Variants in PREX1 observed in about 807,000 individuals in gnomAD.
The protein encoded by PREX1 is phosphatidylinositol 3,4,5-trisphosphate-dependent Rac exchanger 1 protein.
Under a neutral mutation model 198.3 loss-of-function variants are expected in PREX1, and 41 were observed. The ratio of observed to expected loss-of-function variants is 0.21; its 90% CI spans 0.16 to 0.27. The LOEUF (loss-of-function observed/expected upper bound fraction) is 0.27, where lower values mean the gene tolerates loss of function less well. PREX1 is among the 10% of genes least tolerant of loss of function. PREX1 has a pLI of 1.00. For missense variants in PREX1, 1,620 were observed against 2,200.7 expected, an observed-to-expected ratio of 0.74 and a Z score of 5.28; for synonymous variants, 843 against 887.2, an observed-to-expected ratio of 0.95 and a Z score of 0.89.
Position 48,650,575 on chromosome 20 carries a change from A to G in PREX1, c.2817+319T>C, listed in dbSNP as rs371811208. Among the ~76,000 whole-genome samples the G allele has an allele frequency of 5.3e-5, 8 of 152,362 alleles. No homozygotes were observed. The East Asian group carries it at 7.7e-4, about 15-fold the overall frequency. On this transcript the variant is annotated intron_variant, in intron 23 of 39. Transcript: ENST00000371941. ...GCAAGTGACCTAAGCCAAGCCAACC[A>G]GAACTCCCTTGGAGTTAATTTTCTC...
the PREX1 span, among the ~76,000 whole-genome samples, chr20:48,837,566 G>A: frequency 6.6e-6 from 1 of 152,174 alleles, no homozygotes; most frequent in Non-Finnish European, 1.5e-5. Flanking sequence ...ATCTAAAGCA[G>A]GAACAGAAAA....
chr20:48,853,858 A>G, the PREX1 span, among the ~76,000 whole-genome samples: 1 of 151,986 alleles, frequency 6.6e-6, no homozygotes, highest in Admixed American at 6.5e-5. Flanking sequence ...GCTGCCCTGC[A>G]GACCTTGGGT....
chr20:48,634,174 G>GGA (rs1568791973), intron 33 of PREX1, among the ~76,000 whole-genome samples: 6 of 81,970 alleles, frequency 7.3e-5, no homozygotes, highest in South Asian at 4.5e-4. Flanking sequence ...ATGGATGGAT[G>GGA]CATGGATGGA....
chr20:48,781,439 A>G (rs1214284432), intron 1 of PREX1, among the ~76,000 whole-genome samples: 1 of 152,074 alleles, frequency 6.6e-6, no homozygotes, highest in Non-Finnish European at 1.5e-5. Context: ...AAACCAAATC[A>G]CCTACTGGCC....
chr20:48,683,908 G>A (rs1284816897), intron 10 of PREX1, among the ~76,000 whole-genome samples: 2 of 152,116 alleles, frequency 1.3e-5, no homozygotes, highest in Non-Finnish European at 2.9e-5. Context: ...GCACACAGAA[G>A]CCCTGAGAGG....
At chr20:48,747,537 G>A (rs566333859) in intron 2 of PREX1, among the ~76,000 whole-genome samples, 72 of 152,350 alleles carry the variant, frequency 4.7e-4, no homozygotes, top group African/African-American at 1.7e-3. Flanking sequence ...AGACTGGGGG[G>A]TCACAATGAG....
In PREX1 at chr20:48,630,590, G is replaced by A. The variant is rs555205610; in HGVS notation, c.4593+138C>T. On this transcript the variant is annotated intron_variant, in intron 36 of 39. Coordinates refer to ENST00000371941, the MANE Select transcript of PREX1 (RefSeq NM_020820.4). ...AGCTATCATGGGAGACTTCCTGGAG[G>A]AGGAGAGACTGCAGGGTCTCAAGGG... The A allele has an allele frequency of 4.3e-5, 28 of 652,436 alleles. 1 individual carries two copies. The highest frequency in any genetic ancestry group is 3.6e-4 in the African/African-American group (20 of 55,878). 40.4% of individuals were successfully genotyped at this position (652,436 alleles called of 1,614,324 possible).
At chr20:48,783,520 TACA>T (rs907408773) in intron 1 of PREX1, among the ~76,000 whole-genome samples, 1 of 151,950 alleles carries the variant, frequency 6.6e-6, no homozygotes, top group Non-Finnish European at 1.5e-5. Context: ...GTGGGGATGG[TACA>T]AAGGACACAA....
At chr20:48,757,399 TCAG>T (rs1011755228) in intron 1 of PREX1, among the ~76,000 whole-genome samples, 1 of 152,202 alleles carries the variant, frequency 6.6e-6, no homozygotes, top group Non-Finnish European at 1.5e-5. Flanking sequence ...AACAAGGGGT[TCAG>T]CAGGTGACTG....
At chr20:48,681,467 A>C in intron 10 of PREX1, 132 bp from the exon 11 acceptor site, 1 of 816,086 alleles carries the variant, frequency 1.2e-6, no homozygotes, top group South Asian at 1.4e-5. Context: ...AGCCGAGTGT[A>C]GTAGTCTATA....
chr20:48,742,033 T>C (rs1406742969), intron 3 of PREX1, among the ~76,000 whole-genome samples: 2 of 152,154 alleles, frequency 1.3e-5, no homozygotes, highest in African/African-American at 2.4e-5. Flanking sequence ...CCAGCAGGTC[T>C]CTCTGTTGGC....
At chr20:48,809,275 C>T (rs1375535866) in intron 1 of PREX1, among the ~76,000 whole-genome samples, 1 of 152,256 alleles carries the variant, frequency 6.6e-6, no homozygotes, top group Non-Finnish European at 1.5e-5. Flanking sequence ...GCCAACGGGG[C>T]TCCCCTGGGA....
the PREX1 span, among the ~76,000 whole-genome samples, chr20:48,867,486 C>G: frequency 5.3e-5 from 8 of 152,228 alleles, no homozygotes; most frequent in African/African-American, 1.9e-4. Context: ...CCAAGCTGGG[C>G]GGATGAGAAT....
Position 48,745,094 on chromosome 20 carries a change from G to C in PREX1, c.345C>G (p.Ala115=). 6.2e-7 allele frequency: 1 copy of C among 1,614,104 alleles called. No individual in the cohort carries two copies. The highest frequency in any genetic ancestry group is 8.5e-7 in the Non-Finnish European group (1 of 1,179,994). Residue 115 remains alanine, a synonymous_variant, in exon 3 of 40, where the codon GCC becomes GCG. Coordinates refer to ENST00000371941, the MANE Select transcript of PREX1 (RefSeq NM_020820.4). ...CCGGGTGTAAACAATACTCCAAGGC[G>C]GCCAAGAAATCCTTATGAACTTCCA... is the stretch of plus-strand genomic sequence containing the variant. ...DILEVHKDFL[A]ALEYCLHPEP...
At chr20:48,888,162 G>C in the PREX1 span, among the ~76,000 whole-genome samples, 7 of 152,194 alleles carry the variant, frequency 4.6e-5, no homozygotes, top group African/African-American at 1.7e-4. Context: ...CTTCTTACAT[G>C]GTGGCCGCAA....
intron 1 of PREX1, among the ~76,000 whole-genome samples, chr20:48,776,027 A>G (rs2090259683): frequency 6.6e-6 from 1 of 152,146 alleles, no homozygotes; most frequent in African/African-American, 2.4e-5. Flanking sequence ...GAGGGCTCTC[A>G]CATCTAACAA....
chr20:48,690,112 G>A (rs1186774942), intron 9 of PREX1, among the ~76,000 whole-genome samples: 1 of 152,176 alleles, frequency 6.6e-6, no homozygotes, highest in Admixed American at 6.5e-5. Context: ...CAGAAGGCCG[G>A]GGGAAATGAA....
At chr20:48,635,567 A>G (rs549664324) in intron 32 of PREX1, among the ~76,000 whole-genome samples, 1 of 151,666 alleles carries the variant, frequency 6.6e-6, no homozygotes, top group African/African-American at 2.4e-5. Flanking sequence ...TGGTCCCTCT[A>G]CCCCGCACAC....
At chr20:48,803,279 C>G (rs1203382135) in intron 1 of PREX1, among the ~76,000 whole-genome samples, 1 of 152,116 alleles carries the variant, frequency 6.6e-6, no homozygotes, top group Non-Finnish European at 1.5e-5. Context: ...TGAGGCCCAT[C>G]CAGGGACCCC....
Sources: gnomAD v4.1 joint callset for allele counts (sites outside exome capture counted in the v4.1 genomes callset) on GRCh38, gnomAD v4.1.1 for gene constraint, MANE v1.5 for transcripts, NCBI Gene and HGNC (gene_info 2026-07-23, HGNC 2026-07-21) for gene names.